PLPP1: variants seen among roughly 807,000 people sequenced by gnomAD.
The protein encoded by PLPP1 is lipid phosphate phosphohydrolase 1a.
PLPP1 carries 24 observed loss-of-function variants against 31.2 expected under a neutral mutation model. The ratio of observed to expected loss-of-function variants is 0.77; its 90% CI spans 0.56 to 1.08. PLPP1 has a LOEUF of 1.08. Ranked by LOEUF, PLPP1 falls within the 50% of genes least tolerant of loss-of-function variation. The pLI, the probability that PLPP1 is intolerant of heterozygous loss-of-function variation, is 0.00. For synonymous variants in PLPP1, 146 were observed against 126.3 expected (o/e 1.16, Z -1.05); for missense variants, 319 against 342.7 (o/e 0.93, Z 0.55).
At chr5:55,448,779 C>T (rs1751828253) in intron 3 of PLPP1, among the ~76,000 whole-genome samples, 2 of 152,134 alleles carry the variant, frequency 1.3e-5, no homozygotes, top group African/African-American at 4.8e-5. Context: ...AATACTGTCG[C>T]CCCATGGTAT....
intron 1 of PLPP1, among the ~76,000 whole-genome samples, chr5:55,527,222 C>T (rs1226292860): frequency 1.3e-5 from 2 of 152,090 alleles, no homozygotes; most frequent in South Asian, 2.1e-4. Context: ...ACAAAGGGAC[C>T]GCTCCTTAGG....
intron 4 of PLPP1, among the ~76,000 whole-genome samples, chr5:55,430,647 TAC>T (rs1467311898): frequency 1.3e-5 from 2 of 152,174 alleles, no homozygotes; most frequent in African/African-American, 4.8e-5. Context: ...AAACCAGATG[TAC>T]AGATACCGAA....
At chr5:55,513,083 TTC>T (rs1753473848) in intron 1 of PLPP1, among the ~76,000 whole-genome samples, 1 of 152,170 alleles carries the variant, frequency 6.6e-6, no homozygotes, top group Non-Finnish European at 1.5e-5. Context: ...GTTAACTTAT[TTC>T]TCTCTTTGAA....
In PLPP1 at chr5:55,467,543, T is replaced by TAAAA. The variant is rs3990254; in HGVS notation, c.491+322_491+325dup. ...TCTACAAAATAATAATATAAAAATG[T>TAAAA]AAAAAAAATTATATATATTATATAT... On this transcript the variant is annotated intron_variant, in intron 3 of 5. Transcript: ENST00000307259. Among the ~76,000 whole-genome samples the TAAAA allele has an allele frequency of 4.9e-3, 722 of 147,174 alleles. 5 individuals are homozygous for TAAAA. The highest frequency in any genetic ancestry group is 0.013 in the African/African-American group (533 of 40,530).
At chr5:55,521,807 G>T (rs959104743) in intron 1 of PLPP1, among the ~76,000 whole-genome samples, 1 of 152,186 alleles carries the variant, frequency 6.6e-6, no homozygotes, top group Admixed American at 6.6e-5. Context: ...ATAAAATGAG[G>T]CTAATACTAT....
intron 3 of PLPP1, among the ~76,000 whole-genome samples, chr5:55,459,899 C>A (rs1191617349): frequency 2.6e-5 from 4 of 152,168 alleles, no homozygotes; most frequent in African/African-American, 9.7e-5. Flanking sequence ...AGGATAAAGA[C>A]CTTTAGGATG....
chr5:55,429,909 C>G (rs566892206), intron 4 of PLPP1, among the ~76,000 whole-genome samples: 105 of 152,204 alleles, frequency 6.9e-4, no homozygotes, highest in African/African-American at 2.3e-3. Context: ...CAAAAACACC[C>G]CTACCTACCA....
intron 1 of PLPP1, among the ~76,000 whole-genome samples, chr5:55,512,065 G>T (rs1753426812): frequency 6.6e-6 from 1 of 151,438 alleles, no homozygotes; most frequent in Admixed American, 6.6e-5. Context: ...GGAGGCGAAG[G>T]TTGCAGTGAG....
At chr5:55,495,158 A>C (rs1274195498) in intron 1 of PLPP1, among the ~76,000 whole-genome samples, 1 of 151,958 alleles carries the variant, frequency 6.6e-6, no homozygotes, top group Non-Finnish European at 1.5e-5. Flanking sequence ...AAATGTATTA[A>C]ATGGCTAAGT....
intron 1 of PLPP1, among the ~76,000 whole-genome samples, chr5:55,523,843 T>C (rs545250516): frequency 6.6e-6 from 1 of 152,276 alleles, no homozygotes; most frequent in African/African-American, 2.4e-5. Context: ...GTCCAATACC[T>C]CTCAATTCAA....
intron 2 of PLPP1, among the ~76,000 whole-genome samples, chr5:55,469,695 T>C (rs543575186): frequency 3.6e-4 from 55 of 152,280 alleles, no homozygotes; most frequent in African/African-American, 1.3e-3. Flanking sequence ...GGATCAACTG[T>C]CTTCAGAGTA....
In PLPP1 at chr5:55,496,266, A is replaced by G. The variant is rs141350962; in HGVS notation, c.59-20816T>C. 3.9e-3 allele frequency among the ~76,000 whole-genome samples: 599 copies of G among 152,322 alleles called. 4 individuals are homozygous for G. The highest frequency in any genetic ancestry group is 0.014 in the African/African-American group (570 of 41,576). On this transcript the variant is annotated intron_variant, in intron 1 of 5. Coordinates refer to ENST00000307259, the MANE Select transcript of PLPP1 (RefSeq NM_003711.4). ...ATAAACACTTTCTTAGGACAGATAC[A>G]CTTTTTCCTTAATACCTAAAGAACA...
intron 1 of PLPP1, among the ~76,000 whole-genome samples, chr5:55,524,646 C>G (rs890703133): frequency 2.0e-5 from 3 of 152,016 alleles, no homozygotes; most frequent in Non-Finnish European, 4.4e-5. Flanking sequence ...CCCATCTCTA[C>G]TAAAAATACA....
chr5:55,530,504 G>A, intron 1 of PLPP1: 1 of 1,195,200 alleles, frequency 8.4e-7, no homozygotes, highest in Non-Finnish European at 1.3e-6. Context: ...TCCTATTGCT[G>A]TTCCCTACTG....
chr5:55,465,342 C>A (rs1202401956), intron 3 of PLPP1, among the ~76,000 whole-genome samples: 1 of 151,902 alleles, frequency 6.6e-6, no homozygotes, highest in Non-Finnish European at 1.5e-5. Flanking sequence ...ACCACGCCAG[C>A]CGTACTCCTA....
chr5:55,502,082 T>C (rs1753158464), intron 1 of PLPP1, among the ~76,000 whole-genome samples: 1 of 152,216 alleles, frequency 6.6e-6, no homozygotes, highest in Non-Finnish European at 1.5e-5. Context: ...CTTTCAAATA[T>C]CAAAGTTAAT....
At chr5:55,490,276 G>A (rs539369708) in intron 1 of PLPP1, among the ~76,000 whole-genome samples, 162 of 148,468 alleles carry the variant, frequency 1.1e-3, no homozygotes, top group African/African-American at 2.1e-3. Context: ...TCGGCCTCCC[G>A]AGTAGCTGGG....
intron 4 of PLPP1, 21 bp downstream of exon 4, chr5:55,441,830 C>G (rs552696633): frequency 6.2e-7 from 1 of 1,608,660 alleles, no homozygotes; most frequent in South Asian, 1.1e-5. Context: ...ACCTAACCGT[C>G]AACAGACACA....
intron 5 of PLPP1, 158 bp downstream of exon 5, chr5:55,425,705 A>G (rs1751166484): frequency 1.6e-6 from 1 of 609,744 alleles, no homozygotes. Flanking sequence ...CTAGTTTTTA[A>G]CCTGGTGTGT....
Sources: gnomAD v4.1 joint callset for allele counts (sites outside exome capture counted in the v4.1 genomes callset) on GRCh38, gnomAD v4.1.1 for gene constraint, MANE v1.5 for transcripts, NCBI Gene and HGNC (gene_info 2026-07-23, HGNC 2026-07-21) for gene names.